TSHZ3: variants seen among roughly 807,000 people sequenced by gnomAD.
TSHZ3 encodes teashirt zinc finger homeobox 3.
A neutral mutation model predicts 64.5 loss-of-function variants in TSHZ3; 10 were observed. The observed-to-expected ratio is 0.16, with a 90% CI of 0.10 to 0.26. The LOEUF (loss-of-function observed/expected upper bound fraction) is 0.26, where lower values mean the gene tolerates loss of function less well. Ranked by LOEUF, TSHZ3 falls within the 10% of genes least tolerant of loss-of-function variation. The pLI, the probability that TSHZ3 is intolerant of heterozygous loss-of-function variation, is 1.00. For missense variants in TSHZ3, 1,242 were observed against 1,421.7 expected (o/e 0.87, Z 2.03); for synonymous variants, 608 against 593.1 (o/e 1.03, Z -0.36).
intron 4 of TSHZ3, among the ~76,000 whole-genome samples, chr19:31,217,558 C>A (rs377390034): frequency 6.6e-6 from 1 of 152,088 alleles, no homozygotes; most frequent in Non-Finnish European, 1.5e-5. Flanking sequence ...TTCCCATGTG[C>A]CCCCTGCATT....
At chr19:31,202,465 A>G (rs746428139) in intron 5 of TSHZ3, among the ~76,000 whole-genome samples, 1 of 152,176 alleles carries the variant, frequency 6.6e-6, no homozygotes, top group East Asian at 1.9e-4. Flanking sequence ...AATTCATATA[A>G]CCATTTTCTA....
intron 1 of TSHZ3, among the ~76,000 whole-genome samples, chr19:31,320,110 A>G (rs559069585): frequency 1.1e-4 from 16 of 152,346 alleles, no homozygotes; most frequent in African/African-American, 3.8e-4. Context: ...AAACAGATGA[A>G]ATATACATGT....
At chr19:31,267,017 A>G (rs1001923573) in intron 1 of TSHZ3, among the ~76,000 whole-genome samples, 73 of 152,160 alleles carry the variant, frequency 4.8e-4, no homozygotes, top group African/African-American at 1.6e-3. Context: ...TGAGCCTTGC[A>G]ATTTCACTTT....
Position 31,278,811 on chromosome 19 carries a change from G to C in TSHZ3, c.982C>G (p.Leu328Val), listed in dbSNP as rs756854055. 2 of 1,614,176 alleles carry C rather than the reference G, an allele frequency of 1.2e-6. No individual in the cohort carries two copies. Among genetic ancestry groups the C allele is most frequent in the Admixed American group, 1.7e-5 (1 of 60,026 alleles). Residue 328 changes from leucine (L) to valine (V), a missense_variant, in exon 2 of 2, where the codon CTG becomes GTG. Transcript: ENST00000240587. This position sits in a 1 kb window ranked among gnomAD's most constrained non-coding sequence, Gnocchi z 4.7. ...PATRKKASLE[L>V]ELPSSPDSTG... ...GAATCTGGGGAGCTGGGGAGCTCCA[G>C]CTCCAGGGAAGCTTTCTTCCGAGTG...
chr19:31,340,758 C>A (rs1917410154), intron 1 of TSHZ3, among the ~76,000 whole-genome samples: 1 of 152,174 alleles, frequency 6.6e-6, no homozygotes, highest in Non-Finnish European at 1.5e-5. Flanking sequence ...GGGCCCAGAC[C>A]CCAGGACCCT....
chr19:31,246,126 T>C (rs1975754896), intron 1 of TSHZ3, among the ~76,000 whole-genome samples: 1 of 152,192 alleles, frequency 6.6e-6, no homozygotes, highest in African/African-American at 2.4e-5. Flanking sequence ...AAGAGTTTGT[T>C]TTTTTTAAAT....
At chr19:31,206,076 AATGGATGGATGGATGGATGGATGG>A (rs58291208) in intron 4 of TSHZ3, among the ~76,000 whole-genome samples, 12 of 145,558 alleles carry the variant, frequency 8.2e-5, no homozygotes, top group South Asian at 4.8e-4. Context: ...GGATGGGTGA[AATGGATGGATGGATGGATGGATGG>A]ATGGATGGAT....
Position 31,278,795 on chromosome 19 carries a change from G to C in TSHZ3, c.998C>G (p.Ser333Cys). 6.2e-7 allele frequency: 1 copy of C among 1,614,196 alleles called. No individual in the cohort carries two copies. Among genetic ancestry groups the C allele is most frequent in the South Asian group, 1.1e-5 (1 of 91,078 alleles). ...GGGGGTTCCACCTGTGGAATCTGGG[G>C]AGCTGGGGAGCTCCAGCTCCAGGGA... ...KASLELELPS[S>C]PDSTGGTPKA... The change falls in exon 2 of 2, where the codon TCC becomes TGC. Residue 333 changes from serine (S) to cysteine (C), a missense_variant. Coordinates refer to ENST00000240587, the MANE Select transcript of TSHZ3 (RefSeq NM_020856.4). The surrounding 1 kb of genome is among the most constrained non-coding windows in gnomAD (Gnocchi z 4.7).
At chr19:31,169,316 A>G (rs538922188) in intron 5 of TSHZ3, among the ~76,000 whole-genome samples, 137 of 152,352 alleles carry the variant, frequency 9.0e-4, no homozygotes, top group African/African-American at 3.1e-3. Flanking sequence ...AGATACTTGT[A>G]CACCCATGTT....
At chr19:31,311,023 T>C (rs529023631) in intron 1 of TSHZ3, among the ~76,000 whole-genome samples, 1 of 152,278 alleles carries the variant, frequency 6.6e-6, no homozygotes, top group South Asian at 2.1e-4. Context: ...GCCTGTGCCA[T>C]CAGCTCAGCC....
chr19:31,219,484 C>CTT (rs890936854), intron 4 of TSHZ3, among the ~76,000 whole-genome samples: 2 of 152,116 alleles, frequency 1.3e-5, no homozygotes, highest in Non-Finnish European at 2.9e-5. Context: ...ATTTTACCCT[C>CTT]TTCTAGAGCA....
intron 1 of TSHZ3, among the ~76,000 whole-genome samples, chr19:31,333,083 G>A (rs1287238613): frequency 6.6e-6 from 1 of 151,148 alleles, no homozygotes; most frequent in African/African-American, 2.4e-5. Context: ...TCCAGCCTGG[G>A]TGACAAGGGA....
intron 6 of TSHZ3, among the ~76,000 whole-genome samples, chr19:31,153,352 A>G (rs1371051855): frequency 6.6e-6 from 1 of 152,226 alleles, no homozygotes; most frequent in African/African-American, 2.4e-5. Context: ...AAAGAGAAAG[A>G]CTATGTGTAA....
chr19:31,215,122 C>T (rs1975309531), intron 4 of TSHZ3, among the ~76,000 whole-genome samples: 1 of 152,106 alleles, frequency 6.6e-6, no homozygotes, highest in African/African-American at 2.4e-5. Flanking sequence ...AGACATTAGT[C>T]ATTTAGATAC....
chr19:31,247,719 T>C (rs1389424390), intron 1 of TSHZ3, among the ~76,000 whole-genome samples: 1 of 152,176 alleles, frequency 6.6e-6, no homozygotes, highest in Non-Finnish European at 1.5e-5. Flanking sequence ...TATTTTCTAA[T>C]TCCTGTGTTT....
chr19:31,218,740 C>A (rs768975104), intron 4 of TSHZ3, among the ~76,000 whole-genome samples: 33 of 152,250 alleles, frequency 2.2e-4, no homozygotes, highest in Admixed American at 7.8e-4. Context: ...AGCTATCAGC[C>A]ATAAAAAAGG....
At chr19:31,325,086 G>A (rs532065579) in intron 1 of TSHZ3, among the ~76,000 whole-genome samples, 12 of 152,138 alleles carry the variant, frequency 7.9e-5, no homozygotes, top group Non-Finnish European at 1.3e-4. Context: ...AGCCACCTCC[G>A]CTGTGCTCCG....
chr19:31,234,279 A>G (rs1975578449), intron 3 of TSHZ3, among the ~76,000 whole-genome samples: 1 of 152,158 alleles, frequency 6.6e-6, no homozygotes, highest in Non-Finnish European at 1.5e-5. Context: ...TAAAATCCTT[A>G]GGATTTTCTA....
intron 1 of TSHZ3, among the ~76,000 whole-genome samples, chr19:31,318,743 T>G (rs1410551539): frequency 6.6e-6 from 1 of 152,248 alleles, no homozygotes; most frequent in Non-Finnish European, 1.5e-5. Flanking sequence ...GGTATCAACA[T>G]GTATAGCAAT....
Sources: allele counts gnomAD v4.1 joint callset (sites outside exome capture counted in the v4.1 genomes callset), GRCh38; gene constraint gnomAD v4.1.1; non-coding constraint Gnocchi (gnomAD v3.1); transcripts MANE v1.5; gene names NCBI Gene and HGNC (gene_info 2026-07-23, HGNC 2026-07-21).